The following RESF1 variants were observed in gnomAD, a reference collection of about 807,000 sequenced individuals.
RESF1 encodes the protein retroelement silencing factor 1.
Under a neutral mutation model 134.7 loss-of-function variants are expected in RESF1, and 65 were observed. That is an observed-to-expected ratio of 0.48 (90% confidence interval 0.40 to 0.59). The LOEUF (loss-of-function observed/expected upper bound fraction) is 0.59. Among genes scored for constraint, RESF1 ranks in the 20% least tolerant of loss-of-function variants. The probability of loss-of-function intolerance (pLI) is 0.00; values close to 1 mark genes in which losing one functional copy is unlikely to be tolerated. For missense variants in RESF1, 2,274 were observed against 2,002.7 expected, an observed-to-expected ratio of 1.14 and a Z score of -2.59; for synonymous variants, 762 against 702.2, an observed-to-expected ratio of 1.09 and a Z score of -1.35.
chr12:31,965,798 G>A (rs946610048), intron 2 of RESF1, among the ~76,000 whole-genome samples: 2 of 151,354 alleles, frequency 1.3e-5, no homozygotes, highest in Non-Finnish European at 2.9e-5. Context: ...GGCTGAGGCA[G>A]GAGAATCGCT....
Position 31,981,761 on chromosome 12 carries a change from A to G in RESF1, c.806A>G (p.Tyr269Cys), listed in dbSNP as rs1170212329. Reference sequence around the variant, plus strand: ...ACCTCAGCTGTACCATCACAGCAGTATGCCACGCAAACTGACAAAAGACCT... The same window carrying G: ...ACCTCAGCTGTACCATCACAGCAGTGTGCCACGCAAACTGACAAAAGACCT... ...RQTSAVPSQQYATQTDKRPPP... is the reference protein window; with the variant it reads ...RQTSAVPSQQCATQTDKRPPP... The change falls in exon 4 of 6, where the codon TAT (tyrosine) becomes TGT (cysteine). Residue 269 changes from tyrosine (Y) to cysteine (C), a missense_variant. By Grantham distance (194) the Tyr-to-Cys change is radical (BLOSUM62 -2). Transcript: ENST00000312561. The G allele has an allele frequency of 6.2e-7, 1 of 1,613,840 alleles. No individual in the cohort carries two copies. Among genetic ancestry groups the G allele is most frequent in the East Asian group, 2.2e-5 (1 of 44,886 alleles).
chr12:31,968,263 G>A (rs1040805921), intron 2 of RESF1, among the ~76,000 whole-genome samples: 6 of 152,218 alleles, frequency 3.9e-5, no homozygotes, highest in Non-Finnish European at 7.4e-5. Flanking sequence ...ATACCAGAGC[G>A]AATTTATATA....
rs375000345 is a variant in RESF1, at chr12:31,984,349, G to T, written c.3394G>T (p.Ala1132Ser). The change falls in exon 4 of 6, where the codon GCA becomes TCA. Residue 1132 changes from alanine (A) to serine (S), a missense_variant. By Grantham distance (99) the Ala-to-Ser change is moderately conservative. Transcript: ENST00000312561. ...DDQPYVVDKLAEPQKEEPITE... is the reference protein window; with the variant it reads ...DDQPYVVDKLSEPQKEEPITE... ...TCAACCCTATGTAGTAGACAAGTTG[G>T]CAGAACCTCAGAAAGAAGAGCCCAT... is the stretch of plus-strand genomic sequence containing the variant. 1.4e-5 allele frequency: 23 copies of T among 1,613,936 alleles called. No individual in the cohort carries two copies. The highest frequency in any genetic ancestry group is 1.9e-5 in the Non-Finnish European group (23 of 1,180,006).
Position 31,984,260 on chromosome 12 carries a change from A to T in RESF1, c.3305A>T (p.Asp1102Val), listed in dbSNP as rs1939895371. 6.2e-7 allele frequency: 1 copy of T among 1,614,022 alleles called. No homozygotes were observed. Among genetic ancestry groups the T allele is most frequent in the Non-Finnish European group, 8.5e-7 (1 of 1,180,008 alleles). Residue 1102 changes from aspartate to valine, a missense_variant, in exon 4 of 6, where the codon GAT becomes GTT. Physicochemically the swap from Asp to Val is radical, Grantham distance 152. Coordinates refer to ENST00000312561, the MANE Select transcript of RESF1 (RefSeq NM_018169.4). ...KTSSDSKDPA[D>V]QIQITILSSE... ...AGTTCTGACTCCAAAGACCCAGCAG[A>T]TCAAATACAAATTACAATATTAAGC...
chr12:31,985,200 C>T lies in RESF1; in HGVS notation c.4245C>T (p.Asn1415=), dbSNP rs377521373. The change falls in exon 4 of 6, where the codon AAC becomes AAT. Residue 1415 remains asparagine (N), a synonymous_variant. Transcript: ENST00000312561. ...FKLGDSLSNP[N]ERAIVKEKMV... is the part of the protein sequence containing the mutation. ...TAGGTGACTCTTTGTCAAACCCAAA[C>T]GAAAGAGCCATTGTTAAAGAAAAGA... is the stretch of plus-strand genomic sequence containing the variant. The T allele has an allele frequency of 2.9e-5, 46 of 1,577,104 alleles. No homozygotes were observed. The highest frequency in any genetic ancestry group is 1.2e-4 in the African/African-American group (9 of 72,758).
chr12:31,972,800 G>A (rs934786333), intron 3 of RESF1, among the ~76,000 whole-genome samples: 2 of 152,128 alleles, frequency 1.3e-5, no homozygotes, highest in Non-Finnish European at 2.9e-5. Flanking sequence ...AGAAGTGTGA[G>A]AAAGTTTATT....
rs1367481265 is a variant in RESF1, at chr12:31,982,025, C to T, written c.1070C>T (p.Ser357Phe). 1 of 1,614,080 alleles carries T rather than the reference C, an allele frequency of 6.2e-7. No individual in the cohort carries two copies. Among genetic ancestry groups the T allele is most frequent in the Admixed American group, 1.7e-5 (1 of 60,018 alleles). Residue 357 changes from serine (S) to phenylalanine (F), a missense_variant, in exon 4 of 6, where the codon TCT (serine) becomes TTT (phenylalanine). Transcript: ENST00000312561. The part of the protein sequence containing the change: ...KQPFNSPIRS[S>F]VDGVQTLAQT... ...CCTTTTAACAGTCCCATTAGATCTTCTGTGGATGGTGTTCAGACTCTTGCT... is the reference window on the plus strand; with the variant it reads ...CCTTTTAACAGTCCCATTAGATCTTTTGTGGATGGTGTTCAGACTCTTGCT...
chr12:31,986,552 T>C (rs562120265), intron 4 of RESF1, among the ~76,000 whole-genome samples: 2 of 152,346 alleles, frequency 1.3e-5, no homozygotes, highest in African/African-American at 4.8e-5. Flanking sequence ...TCCAGTGTTA[T>C]AATTTAAAAT....
intron 3 of RESF1, among the ~76,000 whole-genome samples, chr12:31,976,260 G>GT (rs1939628278): frequency 6.6e-6 from 1 of 152,134 alleles, no homozygotes; most frequent in Non-Finnish European, 1.5e-5. Flanking sequence ...CTCTTGTGCA[G>GT]TAAAAAAAAT....
At chr12:31,966,973 A>G (rs1368719857) in intron 2 of RESF1, among the ~76,000 whole-genome samples, 1 of 152,214 alleles carries the variant, frequency 6.6e-6, no homozygotes, top group African/African-American at 2.4e-5. Flanking sequence ...GCTGACCCAT[A>G]TTCTGGCAGG....
chr12:31,959,595 C>G (rs1346723000), intron 1 of RESF1, 104 bp downstream of exon 1: 1 of 152,138 alleles, frequency 6.6e-6, no homozygotes, highest in African/African-American at 2.4e-5. Flanking sequence ...CGGGCCTGCG[C>G]GCGGCGCAGA....
intron 3 of RESF1, among the ~76,000 whole-genome samples, chr12:31,980,399 C>CCGCA (rs1384986131): frequency 6.6e-6 from 1 of 152,162 alleles, no homozygotes; most frequent in Admixed American, 6.5e-5. Flanking sequence ...GCATGAGCCA[C>CCGCA]CGCACCCGGC....
chr12:31,991,210 A>AC (rs1227654242), intron 5 of RESF1, among the ~76,000 whole-genome samples: 1 of 151,374 alleles, frequency 6.6e-6, no homozygotes. Flanking sequence ...AAAAAAAAAA[A>AC]CCCACAGGAG....
At chr12:31,969,098 G>A (rs1297939596) in intron 2 of RESF1, among the ~76,000 whole-genome samples, 3 of 152,168 alleles carry the variant, frequency 2.0e-5, no homozygotes, top group African/African-American at 2.4e-5. Flanking sequence ...GTACCACCAC[G>A]CCTAGCTAGT....
chr12:31,988,325 CA>C (rs1940019023), intron 5 of RESF1, among the ~76,000 whole-genome samples: 1 of 151,374 alleles, frequency 6.6e-6, no homozygotes. Flanking sequence ...ACTGTGGATC[CA>C]AAATATTTGG....
chr12:31,990,638 A>AC (rs777304896), intron 5 of RESF1, among the ~76,000 whole-genome samples: 2 of 151,940 alleles, frequency 1.3e-5, no homozygotes, highest in South Asian at 4.2e-4. Context: ...ACAGAGTTTC[A>AC]CCATGTTGTC....
At chr12:31,977,801 C>CTTTTTTTTTT (rs3075963) in intron 3 of RESF1, among the ~76,000 whole-genome samples, 36 of 124,390 alleles carry the variant, frequency 2.9e-4, no homozygotes, top group East Asian at 1.3e-3. Flanking sequence ...TTCTTTCTTT[C>CTTTTTTTTTT]TTTTTTTTTT....
chr12:31,965,338 T>G (rs1298254007), intron 2 of RESF1, among the ~76,000 whole-genome samples: 2 of 152,098 alleles, frequency 1.3e-5, no homozygotes, highest in Non-Finnish European at 2.9e-5. Context: ...CTCTGATTGG[T>G]CCCCTCCCAC....
chr12:31,960,048 T>G (rs1939223997), intron 1 of RESF1: 1 of 152,110 alleles, frequency 6.6e-6, no homozygotes, highest in Admixed American at 6.6e-5. Flanking sequence ...ATTGCTGTAC[T>G]GGCATCTATC....
Sources: allele counts gnomAD v4.1 joint callset (sites outside exome capture counted in the v4.1 genomes callset), GRCh38; gene constraint gnomAD v4.1.1; transcripts MANE v1.5; gene names NCBI Gene and HGNC (gene_info 2026-07-23, HGNC 2026-07-21).